Variants in SEL1L3 observed in about 807,000 individuals in gnomAD.
SEL1L3 encodes SEL1L family member 3.
A neutral mutation model predicts 142.8 loss-of-function variants in SEL1L3; 76 were observed. That is an observed-to-expected ratio of 0.53 (90% CI 0.44 to 0.64). The LOEUF is 0.64. Ranked by LOEUF, SEL1L3 falls within the 30% of genes least tolerant of loss-of-function variation. The pLI, the probability that SEL1L3 is intolerant of heterozygous loss-of-function variation, is 0.00. For synonymous variants in SEL1L3, 504 were observed against 519.6 expected, an observed-to-expected ratio of 0.97 and a Z score of 0.41; for missense variants, 1,262 against 1,381.7, an observed-to-expected ratio of 0.91 and a Z score of 1.37.
chr4:25,779,171 C>A lies in SEL1L3; in HGVS notation c.2490G>T (p.Ala830=), dbSNP rs751256965. The A allele has an allele frequency of 6.2e-7, 1 of 1,613,564 alleles. No homozygotes were observed. Among genetic ancestry groups the A allele is most frequent in the Admixed American group, 1.7e-5 (1 of 60,016 alleles). Reference sequence around the variant, plus strand: ...AGGTCCCTTCCATGTGTCCACCTTGCGCAGCCTTATGGAAATATTCACCAG... The same window carrying A: ...AGGTCCCTTCCATGTGTCCACCTTGAGCAGCCTTATGGAAATATTCACCAG... ...TLAGEYFHKA[A]QGGHMEGTLW... is the part of the protein sequence containing the mutation. Residue 830 remains alanine (A), a synonymous_variant, in exon 16 of 24, where the codon GCG becomes GCT. Coordinates refer to ENST00000399878, the MANE Select transcript of SEL1L3 (RefSeq NM_015187.5).
chr4:25,831,672 C>T (rs1216287987), intron 5 of SEL1L3, among the ~76,000 whole-genome samples: 7 of 151,672 alleles, frequency 4.6e-5, no homozygotes, highest in East Asian at 1.9e-4. Flanking sequence ...ATTATAGGCA[C>T]GTACACCACG....
At chr4:25,859,252 G>A (rs540080922) in intron 1 of SEL1L3, among the ~76,000 whole-genome samples, 10 of 152,210 alleles carry the variant, frequency 6.6e-5, no homozygotes, top group Non-Finnish European at 1.5e-4. Flanking sequence ...ATTATCTTTT[G>A]CTTTCGAGGC....
chr4:25,756,561 A>G, intron 23 of SEL1L3: 1 of 947,412 alleles, frequency 1.1e-6, no homozygotes, highest in South Asian at 4.9e-5. Context: ...TTGATGAGAA[A>G]TTTGGGGATC....
chr4:25,827,835 A>G (rs781736476), intron 6 of SEL1L3, among the ~76,000 whole-genome samples: 3 of 149,840 alleles, frequency 2.0e-5, no homozygotes, highest in Non-Finnish European at 4.5e-5. Context: ...CGTGGGTTTC[A>G]GGGGAGAGAG....
intron 9 of SEL1L3, among the ~76,000 whole-genome samples, chr4:25,815,288 G>A (rs1232507466): frequency 6.6e-6 from 1 of 152,150 alleles, no homozygotes. Flanking sequence ...CCCCACTGAT[G>A]GGGGCCCCAG....
chr4:25,767,896 A>G, intron 17 of SEL1L3, 66 bp from the exon 18 acceptor site: 4 of 1,006,996 alleles, frequency 4.0e-6, no homozygotes, highest in Non-Finnish European at 3.0e-6. Context: ...AGAGAGCTTT[A>G]CATTCAAACA....
chr4:25,735,274 G>A, the SEL1L3 span, among the ~76,000 whole-genome samples: 1 of 151,636 alleles, frequency 6.6e-6, no homozygotes, highest in Non-Finnish European at 1.5e-5. Context: ...TGGACTCCTA[G>A]GTTCAAGCAA....
At position 25,816,942 on chromosome 4, in the gene SEL1L3, C is replaced by T. The variant is rs150572294; in HGVS notation, c.1564+1196G>A. Among the ~76,000 whole-genome samples, 433 of 152,314 alleles carry T rather than the reference C, an allele frequency of 2.8e-3. 7 individuals are homozygous for T. Among genetic ancestry groups the T allele is most frequent in the African/African-American group, 9.9e-3 (412 of 41,580 alleles). On this transcript the variant is annotated intron_variant, in intron 9 of 23. Coordinates refer to ENST00000399878, the MANE Select transcript of SEL1L3 (RefSeq NM_015187.5). ...AGGAAGCCTTCCCAGAACACCTCAG[C>T]CCTCCAGGTAGAACTGACCACTCCC...
chr4:25,834,425 C>A (rs905339148), intron 3 of SEL1L3, among the ~76,000 whole-genome samples: 2 of 152,212 alleles, frequency 1.3e-5, no homozygotes, highest in Non-Finnish European at 2.9e-5. Flanking sequence ...GCATTGATTT[C>A]TCTTCATTTA....
chr4:25,729,518 A>G, the SEL1L3 span, among the ~76,000 whole-genome samples: 2 of 152,154 alleles, frequency 1.3e-5, no homozygotes, highest in African/African-American at 4.8e-5. Flanking sequence ...GTTCGAGGCC[A>G]GCCTGGACAA....
intron 18 of SEL1L3, 62 bp downstream of exon 18, chr4:25,767,678 A>G (rs751674006): frequency 3.4e-6 from 5 of 1,480,428 alleles, no homozygotes; most frequent in Non-Finnish European, 4.6e-6. Flanking sequence ...TTGCCTCCAT[A>G]AAACCCAATT....
chr4:25,799,743 G>T (rs953683925), intron 11 of SEL1L3, among the ~76,000 whole-genome samples: 1 of 152,220 alleles, frequency 6.6e-6, no homozygotes, highest in African/African-American at 2.4e-5. Context: ...TGTTTGCAGG[G>T]AATGGAGATG....
intron 19 of SEL1L3, among the ~76,000 whole-genome samples, chr4:25,766,863 AGAG>A (rs1053977290): frequency 1.3e-5 from 2 of 152,174 alleles, no homozygotes; most frequent in African/African-American, 2.4e-5. Context: ...GCCGGTGGGT[AGAG>A]GAGTCCAGGA....
chr4:25,788,320 G>A lies in SEL1L3; in HGVS notation c.2121C>T (p.Ala707=). 4 of 1,613,862 alleles carry A rather than the reference G, an allele frequency of 2.5e-6. No homozygotes were observed. Among genetic ancestry groups the A allele is most frequent in the South Asian group, 1.1e-5 (1 of 91,074 alleles). ...QMLFWGQQGV[A]KNPEAAIEWY... ...ACTCAATTGCTGCTTCGGGATTCTT[G>A]GCCACACCTTGCTGCCCCCAGAACA... is the stretch of plus-strand genomic sequence containing the variant. The change falls in exon 13 of 24, where the codon GCC becomes GCT. Residue 707 remains alanine (A), a synonymous_variant. Coordinates refer to ENST00000399878, the MANE Select transcript of SEL1L3 (RefSeq NM_015187.5). The surrounding 1 kb of genome is among the most constrained non-coding windows in gnomAD (Gnocchi z 5.3).
intron 19 of SEL1L3, among the ~76,000 whole-genome samples, chr4:25,766,484 A>T (rs1282802081): frequency 6.6e-6 from 1 of 152,058 alleles, no homozygotes; most frequent in African/African-American, 2.4e-5. Context: ...AATGTCCAAT[A>T]AGGAAAACAG....
chr4:25,832,414 C>T (rs1715505253), intron 5 of SEL1L3, among the ~76,000 whole-genome samples: 1 of 152,136 alleles, frequency 6.6e-6, no homozygotes, highest in African/African-American at 2.4e-5. Context: ...TGCCATAATC[C>T]ATAAAATTCA....
At chr4:25,731,016 G>A in the SEL1L3 span, among the ~76,000 whole-genome samples, 2 of 152,174 alleles carry the variant, frequency 1.3e-5, no homozygotes, top group African/African-American at 2.4e-5. Flanking sequence ...GAGCAACAGA[G>A]CGAGACTCTG....
chr4:25,820,659 G>C (rs10939083), intron 7 of SEL1L3, among the ~76,000 whole-genome samples: 1 of 152,106 alleles, frequency 6.6e-6, no homozygotes, highest in Non-Finnish European at 1.5e-5. Flanking sequence ...AAATATCAGC[G>C]TGCACTGAAT....
chr4:25,811,748 G>GTTTTTTTTTTTTTT (rs60024973), intron 9 of SEL1L3, among the ~76,000 whole-genome samples: 2 of 121,608 alleles, frequency 1.6e-5, no homozygotes, highest in Non-Finnish European at 1.8e-5. Context: ...TTCTTTTCCT[G>GTTTTTTTTTTTTTT]TTTTTTTTTT....
Sources: allele counts gnomAD v4.1 joint callset (sites outside exome capture counted in the v4.1 genomes callset), GRCh38; gene constraint gnomAD v4.1.1; non-coding constraint Gnocchi (gnomAD v3.1); transcripts MANE v1.5; gene names NCBI Gene and HGNC (gene_info 2026-07-23, HGNC 2026-07-21).